Variants in DCC observed in about 807,000 individuals in gnomAD.
The protein encoded by DCC is netrin receptor DCC.
In DCC, 58 loss-of-function variants were observed where a neutral mutation model predicts 172.5. The ratio of observed to expected loss-of-function variants is 0.34; its 90% CI spans 0.27 to 0.42. DCC has a LOEUF of 0.42. DCC is among the 10% of genes least tolerant of loss of function. DCC has a pLI of 1.00. For missense variants in DCC, 1,740 were observed against 1,791.0 expected (o/e 0.97, Z 0.51); for synonymous variants, 709 against 644.5 (o/e 1.10, Z -1.52).
chr18:52,817,504 A>G (rs1169115849), intron 2 of DCC, among the ~76,000 whole-genome samples: 1 of 152,100 alleles, frequency 6.6e-6, no homozygotes, highest in Non-Finnish European at 1.5e-5. Flanking sequence ...TCATATTTTA[A>G]ATTATTAGGT....
intron 14 of DCC, among the ~76,000 whole-genome samples, chr18:53,324,626 G>A: frequency 6.6e-6 from 1 of 152,042 alleles, no homozygotes; most frequent in Non-Finnish European, 1.5e-5. Context: ...GAAAAATCAA[G>A]AACAGTCATC....
At chr18:52,747,962 C>G (rs891075860) in intron 1 of DCC, among the ~76,000 whole-genome samples, 2 of 152,206 alleles carry the variant, frequency 1.3e-5, no homozygotes, top group African/African-American at 4.8e-5. Flanking sequence ...GCGCTCCTGC[C>G]TGGGCCTCAC....
At chr18:53,321,426 T>C (rs955367633) in intron 13 of DCC, among the ~76,000 whole-genome samples, 2 of 152,168 alleles carry the variant, frequency 1.3e-5, no homozygotes, top group Non-Finnish European at 2.9e-5. Context: ...GTCTCTCTAG[T>C]TTACCTATGT....
chr18:53,429,690 C>T (rs983379563), intron 21 of DCC, among the ~76,000 whole-genome samples: 2 of 151,970 alleles, frequency 1.3e-5, no homozygotes, highest in Non-Finnish European at 2.9e-5. Flanking sequence ...AGATTATTGC[C>T]CTTAGACTTT....
At chr18:53,408,438 A>G (rs780938007) in intron 19 of DCC, among the ~76,000 whole-genome samples, 113 of 152,332 alleles carry the variant, frequency 7.4e-4, no homozygotes, top group Non-Finnish European at 1.4e-3. Context: ...TCCTGCCACA[A>G]AGTATTCTCC....
intron 12 of DCC, among the ~76,000 whole-genome samples, chr18:53,301,428 C>A (rs981342130): frequency 6.8e-6 from 1 of 147,082 alleles, no homozygotes; most frequent in Non-Finnish European, 1.5e-5. Flanking sequence ...TTTGTTTCTA[C>A]CACCTCAAAA....
intron 1 of DCC, among the ~76,000 whole-genome samples, chr18:52,628,904 C>T (rs1175130183): frequency 1.3e-5 from 2 of 152,182 alleles, no homozygotes; most frequent in Non-Finnish European, 2.9e-5. Flanking sequence ...TTGCCAGGTG[C>T]TTGTTGTGTA....
At chr18:52,674,340 T>A (rs113774742) in intron 1 of DCC, among the ~76,000 whole-genome samples, 431 of 152,222 alleles carry the variant, frequency 2.8e-3, no homozygotes, top group African/African-American at 9.6e-3. Context: ...AGAACAATGA[T>A]GTTCCAGCTC....
intron 12 of DCC, among the ~76,000 whole-genome samples, chr18:53,297,483 C>T (rs951637570): frequency 6.6e-6 from 1 of 152,204 alleles, no homozygotes; most frequent in Non-Finnish European, 1.5e-5. Context: ...ATTTCTCCCT[C>T]TCAAGTAATA....
intron 2 of DCC, among the ~76,000 whole-genome samples, chr18:52,780,974 T>G (rs1270904919): frequency 1.3e-5 from 2 of 152,170 alleles, no homozygotes; most frequent in African/African-American, 4.8e-5. Context: ...ATGACATTTC[T>G]ACACAAAAGA....
intron 1 of DCC, among the ~76,000 whole-genome samples, chr18:52,457,405 G>A (rs528237996): frequency 1.0e-3 from 153 of 152,274 alleles, no homozygotes; most frequent in South Asian, 2.1e-3. Flanking sequence ...TATTTTTCAT[G>A]TATCAAATAT....
At chr18:53,414,384 GAGGAAACTTT>G (rs2145063199) in intron 20 of DCC, among the ~76,000 whole-genome samples, 1 of 152,224 alleles carries the variant, frequency 6.6e-6, no homozygotes, top group East Asian at 1.9e-4. Context: ...AAATGGGTGG[GAGGAAACTTT>G]GGGAGTTTGG....
intron 12 of DCC, among the ~76,000 whole-genome samples, chr18:53,253,499 T>C (rs532426507): frequency 2.0e-5 from 3 of 152,170 alleles, no homozygotes; most frequent in South Asian, 4.1e-4. Flanking sequence ...AGGTTGAAAA[T>C]GTCTAACTCT....
intron 5 of DCC, among the ~76,000 whole-genome samples, chr18:52,984,782 A>G (rs558496745): frequency 6.9e-4 from 105 of 152,242 alleles, no homozygotes; most frequent in African/African-American, 2.4e-3. Flanking sequence ...ACCCATAGTA[A>G]GAAAATGTAA....
chr18:53,405,200 A>AAC (rs1177456309), intron 19 of DCC, among the ~76,000 whole-genome samples: 1 of 151,854 alleles, frequency 6.6e-6, no homozygotes, highest in Non-Finnish European at 1.5e-5. Flanking sequence ...TAAAAAAAAA[A>AAC]AAAAAGAAAT....
intron 12 of DCC, among the ~76,000 whole-genome samples, chr18:53,231,068 G>A (rs769241652): frequency 5.3e-5 from 8 of 151,850 alleles, no homozygotes; most frequent in African/African-American, 1.9e-4. Flanking sequence ...TGAGGAGGAC[G>A]CAGATGTCAA....
chr18:52,647,095 C>A (rs2035033171), intron 1 of DCC, among the ~76,000 whole-genome samples: 1 of 152,178 alleles, frequency 6.6e-6, no homozygotes, highest in Non-Finnish European at 1.5e-5. Flanking sequence ...TTCTTTAACA[C>A]CACAGTGTTA....
At chr18:52,661,016 G>C (rs956293) in intron 1 of DCC, among the ~76,000 whole-genome samples, 1 of 152,132 alleles carries the variant, frequency 6.6e-6, no homozygotes, top group Non-Finnish European at 1.5e-5. Context: ...AGGAAATATG[G>C]ATAGGTTAAC....
intron 7 of DCC, among the ~76,000 whole-genome samples, chr18:53,145,366 G>T (rs1216324284): frequency 6.6e-6 from 1 of 152,090 alleles, no homozygotes; most frequent in Non-Finnish European, 1.5e-5. Context: ...GCCCGCCTCG[G>T]CCTCCCGAAG....
Sources: gnomAD v4.1 joint callset for allele counts (sites outside exome capture counted in the v4.1 genomes callset) on GRCh38, gnomAD v4.1.1 for gene constraint, MANE v1.5 for transcripts, NCBI Gene and HGNC (gene_info 2026-07-23, HGNC 2026-07-21) for gene names.